OXNAD1: variants seen among roughly 807,000 people sequenced by gnomAD.
The protein encoded by OXNAD1 is oxidoreductase NAD-binding domain-containing protein 1.
A neutral mutation model predicts 32.9 loss-of-function variants in OXNAD1; 34 were observed. The ratio of observed to expected loss-of-function variants is 1.03; its 90% CI spans 0.79 to 1.38. The LOEUF is 1.38. Among genes scored for constraint, OXNAD1 ranks in the 40% most tolerant of loss-of-function variants. OXNAD1 has a pLI of 0.00. For missense variants in OXNAD1, 407 were observed against 379.4 expected, an observed-to-expected ratio of 1.07 and a Z score of -0.60; for synonymous variants, 134 against 135.2, an observed-to-expected ratio of 0.99 and a Z score of 0.06.
At position 16,348,470 on chromosome 3, in the gene OXNAD1, G is replaced by T. The variant is rs2071881972; in HGVS notation, c.*31-706G>T. 6.6e-6 allele frequency among the ~76,000 whole-genome samples: 1 copy of T among 152,150 alleles called. No homozygotes were observed. Among genetic ancestry groups the T allele is most frequent in the African/African-American group, 2.4e-5 (1 of 41,438 alleles). ...AATTCCCTTAGCCCATCCAAGTCCT[G>T]GCTTGACTTGCCAATACCCAGCTGG... is the stretch of plus-strand genomic sequence containing the variant. On this transcript the variant is annotated intron_variant, in intron 9 of 9. Coordinates refer to the OXNAD1 transcript ENST00000606098. The surrounding 1 kb of genome is among the most constrained non-coding windows in gnomAD (Gnocchi z 6.3).
At chr3:16,295,046 C>G in intron 6 of OXNAD1, 49 bp downstream of exon 6, 1 of 1,537,984 alleles carries the variant, frequency 6.5e-7, no homozygotes, top group Non-Finnish European at 8.8e-7. Flanking sequence ...TCTCTGCCAC[C>G]CACAAAATTT....
At chr3:16,324,374 C>A (rs560135492) in intron 9 of OXNAD1, among the ~76,000 whole-genome samples, 4 of 152,196 alleles carry the variant, frequency 2.6e-5, no homozygotes, top group Non-Finnish European at 4.4e-5. Flanking sequence ...CAATAGATGA[C>A]CAAGGCTTAT....
At chr3:16,300,395 T>G (rs550032565) in intron 6 of OXNAD1, among the ~76,000 whole-genome samples, 8 of 152,346 alleles carry the variant, frequency 5.3e-5, no homozygotes, top group Admixed American at 5.2e-4. Flanking sequence ...ATGCAGATGA[T>G]AAAGATGTGT....
Position 16,345,788 on chromosome 3 carries a change from C to CTGTGTGTG in OXNAD1, c.*31-3365_*31-3358dup, listed in dbSNP as rs370820242. On this transcript the variant is annotated intron_variant, in intron 9 of 9. Coordinates refer to the OXNAD1 transcript ENST00000606098. This position sits in a 1 kb window ranked among gnomAD's most constrained non-coding sequence, Gnocchi z 5.2. Reference sequence around the variant, plus strand: ...TGAGCCAAAACCTTATAATAAATCTCTGTGTGTGTGTGTGTGTGTGTGTGT... The same window carrying CTGTGTGTG: ...TGAGCCAAAACCTTATAATAAATCTCTGTGTGTGTGTGTGTGTGTGTGTGTGTGTGTGT... Among the ~76,000 whole-genome samples the CTGTGTGTG allele has an allele frequency of 1.9e-3, 240 of 127,230 alleles. 2 individuals are homozygous for CTGTGTGTG. The highest frequency in any genetic ancestry group is 7.8e-3 in the South Asian group (28 of 3,592). The allele number at this position is 127,230 out of a possible 152,430, so 83.5% of individuals were successfully genotyped here. A position where few individuals can be genotyped will look rare whatever the true frequency, so the allele number is the denominator to read the frequency against.
intron 6 of OXNAD1, 68 bp downstream of exon 6, chr3:16,295,065 CT>C: frequency 6.7e-7 from 1 of 1,485,934 alleles, no homozygotes; most frequent in Admixed American, 2.1e-5. Flanking sequence ...TTGTGTTAAG[CT>C]CATTTGATTC....
chr3:16,328,740 A>T (rs1008795840), intron 9 of OXNAD1, among the ~76,000 whole-genome samples: 1 of 152,158 alleles, frequency 6.6e-6, no homozygotes, highest in African/African-American at 2.4e-5. Context: ...GTGTTTTAAA[A>T]AGCCCTTCCC....
intron 6 of OXNAD1, among the ~76,000 whole-genome samples, chr3:16,296,691 A>G (rs1453278853): frequency 2.6e-5 from 4 of 152,188 alleles, no homozygotes; most frequent in Non-Finnish European, 5.9e-5. Context: ...TATTTTTGAC[A>G]AAGGTGGTAG....
chr3:16,349,727 A>C (rs2071965443), exon 10 of OXNAD1: 1 of 152,266 alleles, frequency 6.6e-6, no homozygotes, highest in East Asian at 1.9e-4. Flanking sequence ...TAATGGCATC[A>C]CAGCATTTGT....
rs928344629 is a variant in OXNAD1, at chr3:16,320,121, A to G, written c.*30+16529A>G. ...CAGAGTTCCATGTCAGCAGGAGCCA[A>G]TGGATTTAATTTGCACATTTTAAAA... On this transcript the variant is annotated intron_variant, in intron 9 of 9. Transcript: ENST00000435829. This position sits in a 1 kb window ranked among gnomAD's most constrained non-coding sequence, Gnocchi z 4.5. Among the ~76,000 whole-genome samples, 10 of 152,248 alleles carry G rather than the reference A, an allele frequency of 6.6e-5. No homozygotes were observed. The highest frequency in any genetic ancestry group is 2.4e-4 in the African/African-American group (10 of 41,466).
At position 16,265,980 on chromosome 3, in the gene OXNAD1, G is replaced by GCT. The variant is rs1185346247; in HGVS notation, c.-159+476_-159+477dup. The GCT allele has an allele frequency of 1.2e-6, 1 of 852,306 alleles. No individual in the cohort carries two copies. Among genetic ancestry groups the GCT allele is most frequent in the Admixed American group, 6.2e-5 (1 of 16,100 alleles). 52.8% of individuals were successfully genotyped at this position (852,306 alleles called of 1,614,324 possible). On this transcript the variant is annotated intron_variant, in intron 1 of 8. Transcript: ENST00000285083. This position sits in a 1 kb window ranked among gnomAD's most constrained non-coding sequence, Gnocchi z 4.8. Reference sequence around the variant, plus strand: ...AAGGCATTTTTGTCTTGAAAGCAGTGCTAGTGCCTGTTTTGGTAAAACCGA... The same window carrying GCT: ...AAGGCATTTTTGTCTTGAAAGCAGTGCTCTAGTGCCTGTTTTGGTAAAACCGA...
At chr3:16,326,729 G>T in intron 9 of OXNAD1, 1 of 1,416,252 alleles carries the variant, frequency 7.1e-7, no homozygotes, top group Non-Finnish European at 1.0e-6. Flanking sequence ...GACTAGCACA[G>T]AGTAAGTGTT....
rs868832995 is a variant in OXNAD1 at position 16,301,890 on chromosome 3, G to A, written c.675+22G>A. ...TAAGGTAAGGGAGGTATAGCTTGCT[G>A]TAAGCAAACTTGTGTAGTGGTATTA... On this transcript the variant is annotated intron_variant, in intron 7 of 8. Transcript: ENST00000285083. The surrounding 1 kb of genome is among the most constrained non-coding windows in gnomAD (Gnocchi z 4.1). The A allele has an allele frequency of 1.2e-6, 2 of 1,608,302 alleles. No homozygotes were observed. Among genetic ancestry groups the A allele is most frequent in the Middle Eastern group, 1.7e-4 (1 of 6,018 alleles).
At chr3:16,330,996 A>G (rs2070251049) in intron 9 of OXNAD1, among the ~76,000 whole-genome samples, 1 of 152,236 alleles carries the variant, frequency 6.6e-6, no homozygotes, top group Admixed American at 6.5e-5. Flanking sequence ...GGAGTTTGAA[A>G]GAAAATATTT....
In OXNAD1 at chr3:16,345,101, T is replaced by C. The variant is rs947876843; in HGVS notation, c.*31-4075T>C. On this transcript the variant is annotated intron_variant, in intron 9 of 9. Coordinates refer to the OXNAD1 transcript ENST00000606098. The surrounding 1 kb of genome is among the most constrained non-coding windows in gnomAD (Gnocchi z 5.2). ...ACCTGCAACCACAAGGCCAACAACC[T>C]AAGTGAGCTTGGAAGTGGATTCTTC... 2 of 152,246 alleles carry C rather than the reference T, an allele frequency of 1.3e-5. No individual in the cohort carries two copies. Among genetic ancestry groups the C allele is most frequent in the African/African-American group, 4.8e-5 (2 of 41,446 alleles). 9.4% of individuals were successfully genotyped at this position (152,246 alleles called of 1,614,324 possible). A position where few individuals can be genotyped will look rare whatever the true frequency, so the allele number is the denominator to read the frequency against.
intron 9 of OXNAD1, among the ~76,000 whole-genome samples, chr3:16,313,148 CAATTCTCTCACTT>C: frequency 6.7e-6 from 1 of 149,380 alleles, no homozygotes; most frequent in Non-Finnish European, 1.5e-5. Context: ...TGGGCTCAAG[CAATTCTCTCACTT>C]TAGCCTCCCA....
chr3:16,324,318 G>A (rs187807531), intron 9 of OXNAD1, among the ~76,000 whole-genome samples: 2 of 152,126 alleles, frequency 1.3e-5, no homozygotes, highest in African/African-American at 4.8e-5. Flanking sequence ...TTTAGGAACT[G>A]TAAACTATAC....
chr3:16,309,990 T>G (rs113657441), downstream of OXNAD1, among the ~76,000 whole-genome samples: 1,186 of 152,322 alleles, frequency 7.8e-3, 13 homozygotes, highest in African/African-American at 0.026. Flanking sequence ...GTTGACAGAA[T>G]AAGAAGACAT....
At chr3:16,281,923 G>A (rs1429037835) in intron 4 of OXNAD1, among the ~76,000 whole-genome samples, 2 of 135,368 alleles carry the variant, frequency 1.5e-5, no homozygotes, top group Admixed American at 8.0e-5. Flanking sequence ...TTTTGAGACA[G>A]GGTCTCACTT....
chr3:16,294,786 T>C, intron 5 of OXNAD1, 70 bp from the exon 6 acceptor site: 1 of 1,480,480 alleles, frequency 6.8e-7, no homozygotes, highest in Admixed American at 2.0e-5. Flanking sequence ...CAAAGGTTTG[T>C]CAATTCTGTT....
Sources: allele counts gnomAD v4.1 joint callset (sites outside exome capture counted in the v4.1 genomes callset), GRCh38; gene constraint gnomAD v4.1.1; non-coding constraint Gnocchi (gnomAD v3.1); transcripts MANE v1.5; gene names NCBI Gene and HGNC (gene_info 2026-07-23, HGNC 2026-07-21).